PRUNE2: variants seen among roughly 807,000 people sequenced by gnomAD.
PRUNE2 encodes the protein prune homolog 2 with BCH domain, also known as protein prune homolog 2.
PRUNE2 carries 164 observed loss-of-function variants against 252.0 expected under a neutral mutation model. That is an observed-to-expected ratio of 0.65 (90% CI 0.57 to 0.74). The LOEUF is 0.74. PRUNE2 is among the 30% of genes least tolerant of loss of function. The pLI is 0.00. For missense variants in PRUNE2, 3,495 were observed against 3,711.0 expected, an observed-to-expected ratio of 0.94 and a Z score of 1.51; for synonymous variants, 1,292 against 1,350.2, an observed-to-expected ratio of 0.96 and a Z score of 0.94.
chr9:76,650,528 A>T (rs541432559), intron 11 of PRUNE2, among the ~76,000 whole-genome samples: 1 of 152,220 alleles, frequency 6.6e-6, no homozygotes, highest in South Asian at 2.1e-4. Flanking sequence ...TTATAATCCA[A>T]CCCTCTTATA....
intron 1 of PRUNE2, among the ~76,000 whole-genome samples, chr9:76,889,117 C>T (rs1004842262): frequency 6.6e-6 from 1 of 151,982 alleles, no homozygotes; most frequent in Admixed American, 6.6e-5. Context: ...TCCCAAAGTG[C>T]TGGGATTTCA....
chr9:76,684,290 C>T (rs954178866), intron 9 of PRUNE2, among the ~76,000 whole-genome samples: 33 of 152,154 alleles, frequency 2.2e-4, no homozygotes, highest in African/African-American at 8.0e-4. Flanking sequence ...TCTACATCTA[C>T]GAGTCTGAGG....
intron 1 of PRUNE2, among the ~76,000 whole-genome samples, chr9:76,869,383 C>T (rs1363559011): frequency 6.6e-6 from 1 of 152,130 alleles, no homozygotes; most frequent in African/African-American, 2.4e-5. Flanking sequence ...TTTAATGATG[C>T]CATTATTTAT....
At chr9:76,868,485 C>T (rs1050781792) in intron 1 of PRUNE2, among the ~76,000 whole-genome samples, 9 of 152,240 alleles carry the variant, frequency 5.9e-5, no homozygotes, top group South Asian at 4.2e-4. Context: ...AAGGTGCATA[C>T]GGGAGGACCA....
chr9:76,686,791 T>C (rs541704941), intron 9 of PRUNE2, among the ~76,000 whole-genome samples: 1 of 152,282 alleles, frequency 6.6e-6, no homozygotes, highest in East Asian at 1.9e-4. Context: ...AGAGATGGTG[T>C]CTCACTATGT....
intron 15 of PRUNE2, among the ~76,000 whole-genome samples, chr9:76,635,663 AAAGTTT>A (rs1454205913): frequency 6.6e-6 from 1 of 152,222 alleles, no homozygotes; most frequent in Non-Finnish European, 1.5e-5. Context: ...AAAAGATTTT[AAAGTTT>A]ATCTTTTTCC....
intron 4 of PRUNE2, among the ~76,000 whole-genome samples, chr9:76,831,932 T>C (rs1275188907): frequency 6.6e-6 from 1 of 152,054 alleles, no homozygotes; most frequent in Admixed American, 6.5e-5. Flanking sequence ...AACATAAACA[T>C]GCGAACACCA....
At chr9:76,784,663 G>A (rs1384921946) in intron 6 of PRUNE2, 1 of 152,160 alleles carries the variant, frequency 6.6e-6, no homozygotes, top group Non-Finnish European at 1.5e-5. Flanking sequence ...AAGACCCTTC[G>A]TGTTGCTGCC....
At chr9:76,872,229 T>C (rs2061247322) in intron 1 of PRUNE2, among the ~76,000 whole-genome samples, 1 of 152,028 alleles carries the variant, frequency 6.6e-6, no homozygotes, top group Non-Finnish European at 1.5e-5. Context: ...CCGCATCCCC[T>C]CCCTGAGCTC....
rs374100873 is a variant in PRUNE2, at chr9:76,703,982, T to G, written c.7631A>C (p.His2544Pro). Residue 2544 changes from histidine (H) to proline (P), a missense_variant, in exon 9 of 19, where the codon CAT becomes CCT. His to Pro is a moderately conservative substitution (Grantham distance 77, BLOSUM62 -2). Coordinates refer to ENST00000376718, the MANE Select transcript of PRUNE2 (RefSeq NM_015225.3). ...ERCTEKNEDRHALHMDYILVN... is the reference protein window; with the variant it reads ...ERCTEKNEDRPALHMDYILVN... The stretch of plus-strand genomic sequence containing the variant: ...AAGTATGTAATCCATGTGTAGTGCA[T>G]GACGATCTTCATTCTTCTCTGTACA... 1.2e-6 allele frequency: 2 copies of G among 1,613,934 alleles called. No homozygotes were observed. The highest frequency in any genetic ancestry group is 1.1e-5 in the South Asian group (1 of 91,086).
At chr9:76,883,957 C>A (rs2133346916) in intron 1 of PRUNE2, among the ~76,000 whole-genome samples, 1 of 152,312 alleles carries the variant, frequency 6.6e-6, no homozygotes, top group Admixed American at 6.5e-5. Flanking sequence ...CAGTGCCTGG[C>A]ACATAGTAAG....
At chr9:76,702,895 T>C (rs2046006515) in intron 9 of PRUNE2, among the ~76,000 whole-genome samples, 1 of 152,190 alleles carries the variant, frequency 6.6e-6, no homozygotes, top group African/African-American at 2.4e-5. Flanking sequence ...AGGCAAATTA[T>C]AGAAAATTTC....
intron 18 of PRUNE2, chr9:76,615,041 A>G (rs1828764335): frequency 1.1e-5 from 10 of 938,588 alleles, no homozygotes; most frequent in Non-Finnish European, 1.1e-5. Context: ...AAACAACAAA[A>G]CAACACCAAA....
intron 15 of PRUNE2, among the ~76,000 whole-genome samples, chr9:76,630,979 T>C (rs1400501571): frequency 6.6e-6 from 1 of 152,256 alleles, no homozygotes; most frequent in Non-Finnish European, 1.5e-5. Flanking sequence ...GTTCAACTAC[T>C]ATGCATTCTA....
chr9:76,865,410 T>G (rs944088571), intron 1 of PRUNE2, among the ~76,000 whole-genome samples: 1 of 152,172 alleles, frequency 6.6e-6, no homozygotes, highest in African/African-American at 2.4e-5. Context: ...AATTCAGAAA[T>G]AAATGTATGC....
chr9:76,743,476 ACAGTCC>A (rs961854416), intron 6 of PRUNE2, among the ~76,000 whole-genome samples: 1 of 152,198 alleles, frequency 6.6e-6, no homozygotes, highest in Non-Finnish European at 1.5e-5. Flanking sequence ...TCTATGGGGA[ACAGTCC>A]CATAGAGGGA....
At chr9:76,875,413 T>C (rs1442699329) in intron 1 of PRUNE2, among the ~76,000 whole-genome samples, 1 of 152,220 alleles carries the variant, frequency 6.6e-6, no homozygotes, top group African/African-American at 2.4e-5. Context: ...TCGCCCAGGC[T>C]GGAGTGCAGC....
chr9:76,735,283 A>T (rs1203297877), intron 6 of PRUNE2, among the ~76,000 whole-genome samples: 4 of 152,240 alleles, frequency 2.6e-5, no homozygotes, highest in Non-Finnish European at 5.9e-5. Context: ...AAACCTACTG[A>T]TTATAATCAG....
chr9:76,752,036 A>G (rs1482138972), intron 6 of PRUNE2, among the ~76,000 whole-genome samples: 14 of 151,624 alleles, frequency 9.2e-5, no homozygotes, highest in African/African-American at 3.2e-4. Flanking sequence ...AAATATCAGG[A>G]TTAGATGGGC....
Sources: allele counts gnomAD v4.1 joint callset (sites outside exome capture counted in the v4.1 genomes callset), GRCh38; gene constraint gnomAD v4.1.1; transcripts MANE v1.5; gene names NCBI Gene and HGNC (gene_info 2026-07-23, HGNC 2026-07-21).